Variants in TOX2 observed in about 807,000 individuals in gnomAD.
TOX2 encodes the protein granulosa cell HMG box 1.
In TOX2, 15 loss-of-function variants were observed where a neutral mutation model predicts 47.4. That is an observed-to-expected ratio of 0.32 (90% CI 0.21 to 0.49). The LOEUF (loss-of-function observed/expected upper bound fraction) is 0.49, where lower values mean the gene tolerates loss of function less well. TOX2 is among the 20% of genes least tolerant of loss of function. The probability of loss-of-function intolerance (pLI) is 0.99; values close to 1 mark genes in which losing one functional copy is unlikely to be tolerated. For synonymous variants in TOX2, 290 were observed against 296.6 expected (o/e 0.98, Z 0.23); for missense variants, 622 against 673.1 (o/e 0.92, Z 0.84).
At chr20:43,937,372 C>T (rs2069339648) in intron 1 of TOX2, among the ~76,000 whole-genome samples, 1 of 152,110 alleles carries the variant, frequency 6.6e-6, no homozygotes. Flanking sequence ...TTCCCACGGG[C>T]AGCTCCTGGG....
At chr20:44,060,561 C>T (rs995506578) in intron 5 of TOX2, among the ~76,000 whole-genome samples, 1 of 152,088 alleles carries the variant, frequency 6.6e-6, no homozygotes, top group Non-Finnish European at 1.5e-5. Context: ...AGTACTCTCT[C>T]AGAACATAGT....
At chr20:43,920,202 A>T (rs1037295676) in intron 1 of TOX2, among the ~76,000 whole-genome samples, 1 of 152,226 alleles carries the variant, frequency 6.6e-6, no homozygotes, top group Admixed American at 6.5e-5. Flanking sequence ...TGCTCAGTAA[A>T]TATGTGCTGG....
At chr20:44,047,001 T>C (rs945927981) in intron 3 of TOX2, among the ~76,000 whole-genome samples, 10 of 152,200 alleles carry the variant, frequency 6.6e-5, no homozygotes, top group African/African-American at 2.4e-4. Flanking sequence ...GGAGTCATGG[T>C]CTCTGATCTT....
chr20:44,046,641 G>A (rs910853984), intron 3 of TOX2, among the ~76,000 whole-genome samples: 2 of 152,208 alleles, frequency 1.3e-5, no homozygotes, highest in Non-Finnish European at 2.9e-5. Context: ...TTCTGATTCA[G>A]CTACCACATG....
At chr20:43,917,353 C>G (rs889216422) in intron 1 of TOX2, among the ~76,000 whole-genome samples, 7 of 152,108 alleles carry the variant, frequency 4.6e-5, no homozygotes, top group Non-Finnish European at 7.4e-5. Context: ...TGCCCAAGCT[C>G]CACCTTTACA....
At chr20:44,046,024 A>T (rs2145733648) in intron 3 of TOX2, among the ~76,000 whole-genome samples, 1 of 152,350 alleles carries the variant, frequency 6.6e-6, no homozygotes, top group South Asian at 2.1e-4. Context: ...AAAACAGTTC[A>T]CTTTAAATCT....
intron 8 of TOX2, among the ~76,000 whole-genome samples, chr20:44,067,133 G>A (rs1365748786): frequency 6.6e-6 from 1 of 152,196 alleles, no homozygotes; most frequent in African/African-American, 2.4e-5. Flanking sequence ...GTGCTTCCAC[G>A]TGACATTCAC....
chr20:43,952,556 A>G (rs1162853293), intron 1 of TOX2, among the ~76,000 whole-genome samples: 1 of 152,132 alleles, frequency 6.6e-6, no homozygotes, highest in East Asian at 1.9e-4. Flanking sequence ...AAGCCTGCAG[A>G]TCTCAAGTTT....
At chr20:43,919,167 T>C (rs1050753983) in intron 1 of TOX2, among the ~76,000 whole-genome samples, 2 of 152,208 alleles carry the variant, frequency 1.3e-5, no homozygotes, top group African/African-American at 4.8e-5. Flanking sequence ...TGTGGCATGT[T>C]CTGCCATCCA....
At chr20:44,019,831 G>A (rs1257544645) in intron 3 of TOX2, among the ~76,000 whole-genome samples, 1 of 152,168 alleles carries the variant, frequency 6.6e-6, no homozygotes, top group Non-Finnish European at 1.5e-5. Context: ...TTTCCTTCCG[G>A]CCTCACTTTC....
At chr20:43,970,257 G>A (rs1485841796) in intron 1 of TOX2, among the ~76,000 whole-genome samples, 1 of 152,216 alleles carries the variant, frequency 6.6e-6, no homozygotes, top group Non-Finnish European at 1.5e-5. Context: ...CTTGGTTTTA[G>A]CAGGGAAAAG....
In TOX2 at chr20:44,020,987, C is replaced by T. The variant is rs142835210; in HGVS notation, c.411+14195C>T. ...TGGGACAGGCCTTGAAGCGGACCCTCTGGCATGATGACAGTCCCAGCCTGT... is the reference window on the plus strand; with the variant it reads ...TGGGACAGGCCTTGAAGCGGACCCTTTGGCATGATGACAGTCCCAGCCTGT... On this transcript the variant is annotated intron_variant, in intron 3 of 8. Coordinates refer to ENST00000341197, the MANE Select transcript of TOX2 (RefSeq NM_001098797.2). Among the ~76,000 whole-genome samples, 396 of 152,240 alleles carry T rather than the reference C, an allele frequency of 2.6e-3. 2 individuals carry two copies. The highest frequency in any genetic ancestry group is 4.3e-3 in the Non-Finnish European group (293 of 68,030).
intron 1 of TOX2, among the ~76,000 whole-genome samples, chr20:43,953,069 G>A (rs2069608091): frequency 6.6e-6 from 1 of 151,976 alleles, no homozygotes. Context: ...TGAAGATGGA[G>A]GAAGGGACCA....
At chr20:43,979,242 T>C (rs2070131394) in intron 2 of TOX2, among the ~76,000 whole-genome samples, 1 of 152,102 alleles carries the variant, frequency 6.6e-6, no homozygotes, top group Non-Finnish European at 1.5e-5. Flanking sequence ...CTTCAGCCCA[T>C]GATATCAAAA....
chr20:43,983,613 C>T (rs2070209061), intron 2 of TOX2, among the ~76,000 whole-genome samples: 2 of 152,212 alleles, frequency 1.3e-5, no homozygotes, highest in Admixed American at 1.3e-4. Flanking sequence ...CCGCCCTGCT[C>T]TTAGGCCTTC....
chr20:43,946,058 C>G, intron 1 of TOX2: 2 of 1,612,586 alleles, frequency 1.2e-6, no homozygotes, highest in Non-Finnish European at 1.7e-6. Context: ...GGGTGCCCAC[C>G]GCCCCATGAG....
At chr20:44,034,458 A>G (rs1263058049) in intron 3 of TOX2, among the ~76,000 whole-genome samples, 1 of 152,236 alleles carries the variant, frequency 6.6e-6, no homozygotes, top group Non-Finnish European at 1.5e-5. Context: ...TATGGAATGA[A>G]TGAATGAATG....
At chr20:44,005,028 T>C (rs1225152278) in intron 2 of TOX2, among the ~76,000 whole-genome samples, 2 of 152,258 alleles carry the variant, frequency 1.3e-5, no homozygotes, top group Non-Finnish European at 2.9e-5. Flanking sequence ...CTGATCGTTA[T>C]GCATTATTTG....
intron 3 of TOX2, among the ~76,000 whole-genome samples, chr20:44,043,078 A>C (rs2071359100): frequency 6.6e-6 from 1 of 152,156 alleles, no homozygotes; most frequent in African/African-American, 2.4e-5. Flanking sequence ...GTGAAGTTTT[A>C]TATGCTTGCG....
Sources: allele counts gnomAD v4.1 joint callset (sites outside exome capture counted in the v4.1 genomes callset), GRCh38; gene constraint gnomAD v4.1.1; transcripts MANE v1.5; gene names NCBI Gene and HGNC (gene_info 2026-07-23, HGNC 2026-07-21).